The following PRKCA variants were observed in gnomAD, a reference collection of about 807,000 sequenced individuals.
The protein encoded by PRKCA is protein kinase C alpha.
Under a neutral mutation model 87.0 loss-of-function variants are expected in PRKCA, and 27 were observed. The ratio of observed to expected loss-of-function variants is 0.31; its 90% CI spans 0.23 to 0.43. The LOEUF (loss-of-function observed/expected upper bound fraction) is 0.43. PRKCA is among the 20% of genes least tolerant of loss of function. PRKCA has a pLI of 1.00. For missense variants in PRKCA, 518 were observed against 852.3 expected (o/e 0.61, Z 4.88); for synonymous variants, 329 against 311.1 (o/e 1.06, Z -0.61).
intron 3 of PRKCA, among the ~76,000 whole-genome samples, chr17:66,623,557 A>G (rs1970754688): frequency 6.6e-6 from 1 of 152,190 alleles, no homozygotes; most frequent in South Asian, 2.1e-4. Flanking sequence ...CATTCGTTTG[A>G]CAGATGTTCA....
intron 2 of PRKCA, among the ~76,000 whole-genome samples, chr17:66,420,185 A>G (rs774473983): frequency 1.5e-4 from 22 of 151,620 alleles, no homozygotes; most frequent in Admixed American, 2.6e-4. Context: ...CTAATTTTGT[A>G]TTTTTAGTAG....
chr17:66,602,967 T>C (rs1332438391), intron 3 of PRKCA, among the ~76,000 whole-genome samples: 3 of 152,180 alleles, frequency 2.0e-5, no homozygotes, highest in Admixed American at 6.5e-5. Context: ...TTGCTGAGTC[T>C]CTCTTTCCCT....
intron 3 of PRKCA, among the ~76,000 whole-genome samples, chr17:66,569,288 G>C (rs1968994112): frequency 6.6e-6 from 1 of 152,192 alleles, no homozygotes; most frequent in South Asian, 2.1e-4. Context: ...TAAAAAAAAG[G>C]TCAGGTGCGG....
chr17:66,716,861 T>A (rs1973489303), intron 8 of PRKCA, among the ~76,000 whole-genome samples: 1 of 152,212 alleles, frequency 6.6e-6, no homozygotes, highest in Admixed American at 6.5e-5. Context: ...GCCTGTGAAT[T>A]TATTTTAACC....
At chr17:66,734,253 G>C (rs978654322) in intron 9 of PRKCA, among the ~76,000 whole-genome samples, 2 of 152,218 alleles carry the variant, frequency 1.3e-5, no homozygotes, top group African/African-American at 4.8e-5. Flanking sequence ...GAGAAGTAAA[G>C]AAATGAAAGA....
chr17:66,571,949 A>G (rs1969090358), intron 3 of PRKCA, among the ~76,000 whole-genome samples: 1 of 152,180 alleles, frequency 6.6e-6, no homozygotes, highest in Non-Finnish European at 1.5e-5. Flanking sequence ...TTATGTTGAC[A>G]TTCCATCCAG....
intron 2 of PRKCA, among the ~76,000 whole-genome samples, chr17:66,322,308 T>C (rs1301285310): frequency 6.6e-6 from 1 of 152,184 alleles, no homozygotes; most frequent in East Asian, 1.9e-4. Context: ...TAATCTGCAC[T>C]GTTTAGTATG....
intron 13 of PRKCA, among the ~76,000 whole-genome samples, chr17:66,757,747 T>C (rs7223528): frequency 0.37 from 56,550 of 151,924 alleles, 10,794 homozygotes; most frequent in East Asian, 0.61. Flanking sequence ...TTTCTTGAGA[T>C]GTAGTCTTGC....
At chr17:66,623,137 A>G (rs967288241) in intron 3 of PRKCA, among the ~76,000 whole-genome samples, 2 of 152,210 alleles carry the variant, frequency 1.3e-5, no homozygotes, top group Admixed American at 1.3e-4. Flanking sequence ...CCTTCTTTGT[A>G]CCAGAATGCC....
At chr17:66,664,476 G>A (rs1971989919) in intron 5 of PRKCA, among the ~76,000 whole-genome samples, 1 of 152,126 alleles carries the variant, frequency 6.6e-6, no homozygotes. Context: ...CAAAGGTAAT[G>A]AGAATGTCCA....
chr17:66,604,523 G>T (rs980802006), intron 3 of PRKCA, among the ~76,000 whole-genome samples: 1 of 152,196 alleles, frequency 6.6e-6, no homozygotes, highest in African/African-American at 2.4e-5. Flanking sequence ...TCTGGATGCT[G>T]AATAAAGACA....
chr17:66,642,712 C>G (rs1971335167), intron 4 of PRKCA, among the ~76,000 whole-genome samples: 1 of 152,166 alleles, frequency 6.6e-6, no homozygotes, highest in African/African-American at 2.4e-5. Context: ...GATTCTTCAC[C>G]TTACAGAGTT....
chr17:66,428,757 G>A (rs1194945318), intron 2 of PRKCA, among the ~76,000 whole-genome samples: 1 of 152,080 alleles, frequency 6.6e-6, no homozygotes, highest in African/African-American at 2.4e-5. Context: ...GCCCACTCTG[G>A]CCTCCCAAAT....
At chr17:66,436,559 G>A (rs1450453241) in intron 2 of PRKCA, among the ~76,000 whole-genome samples, 2 of 152,214 alleles carry the variant, frequency 1.3e-5, no homozygotes, top group Non-Finnish European at 2.9e-5. Flanking sequence ...TCAGACATAG[G>A]TGTGGAACCA....
At chr17:66,591,871 T>C (rs556084527) in intron 3 of PRKCA, among the ~76,000 whole-genome samples, 1 of 152,220 alleles carries the variant, frequency 6.6e-6, no homozygotes, top group East Asian at 1.9e-4. Flanking sequence ...AGAGCAGTCA[T>C]CCCTGCCGAA....
chr17:66,761,233 G>A (rs1598924161), intron 13 of PRKCA, among the ~76,000 whole-genome samples: 1 of 151,798 alleles, frequency 6.6e-6, no homozygotes, highest in East Asian at 2.0e-4. Context: ...AGCCGGGTGT[G>A]GTGGCGTGTG....
At chr17:66,712,860 G>C (rs1044208252) in intron 8 of PRKCA, among the ~76,000 whole-genome samples, 9 of 152,154 alleles carry the variant, frequency 5.9e-5, no homozygotes, top group Admixed American at 5.9e-4. Context: ...AGGATTAAAT[G>C]AGTAAGTATG....
At chr17:66,370,274 C>T (rs1179844861) in intron 2 of PRKCA, among the ~76,000 whole-genome samples, 1 of 145,866 alleles carries the variant, frequency 6.9e-6, no homozygotes, top group Non-Finnish European at 1.5e-5. Flanking sequence ...CTCTGTCGCC[C>T]AGGCTGGAGT....
At chr17:66,443,398 A>G (rs1258666399) in intron 2 of PRKCA, among the ~76,000 whole-genome samples, 2 of 152,222 alleles carry the variant, frequency 1.3e-5, no homozygotes, top group Admixed American at 6.5e-5. Flanking sequence ...CTAGAGGCTA[A>G]GAAATAAAGT....
Sources: allele counts gnomAD v4.1 joint callset (sites outside exome capture counted in the v4.1 genomes callset), GRCh38; gene constraint gnomAD v4.1.1; transcripts MANE v1.5; gene names NCBI Gene and HGNC (gene_info 2026-07-23, HGNC 2026-07-21).